LAG3: variants seen among roughly 807,000 people sequenced by gnomAD.
LAG3 encodes the protein lymphocyte activation gene 3 protein.
In LAG3, 29 loss-of-function variants were observed where a neutral mutation model predicts 49.0. That is an observed-to-expected ratio of 0.59 (90% CI 0.44 to 0.81). The LOEUF is 0.81. Among genes scored for constraint, LAG3 ranks in the 30% least tolerant of loss-of-function variants. LAG3 has a pLI of 0.00. For synonymous variants in LAG3, 320 were observed against 297.3 expected, an observed-to-expected ratio of 1.08 and a Z score of -0.79; for missense variants, 693 against 695.2, an observed-to-expected ratio of 1.00 and a Z score of 0.04.
intron 5 of LAG3, 61 bp downstream of exon 5, chr12:6,775,609 G>C: frequency 6.4e-7 from 1 of 1,554,202 alleles, no homozygotes; most frequent in Non-Finnish European, 8.8e-7. Context: ...AGGGAGGAAG[G>C]GCTGGCAGGG....
At chr12:6,774,252 G>C (rs1372870664) in intron 3 of LAG3, among the ~76,000 whole-genome samples, 3 of 152,234 alleles carry the variant, frequency 2.0e-5, no homozygotes, top group African/African-American at 7.2e-5. Context: ...AGTGCCCAGA[G>C]GGAGGGGGAG....
chr12:6,777,648 C>T lies in LAG3; in HGVS notation c.1300+142C>T, dbSNP rs546691902. On this transcript the variant is annotated intron_variant, in intron 6 of 7. Transcript: ENST00000203629. ...CTCTGGCTTTTGCCTAGGGTTGACC[C>T]GTTTCCGCCACTGATCAGCTGAATG... The T allele has an allele frequency of 2.1e-5, 31 of 1,445,586 alleles. No homozygotes were observed. The South Asian group carries it at 3.4e-4, about 16-fold the overall frequency. 89.5% of individuals were successfully genotyped at this position (1,445,586 alleles called of 1,614,324 possible).
At chr12:6,772,995 G>A in intron 1 of LAG3, 85 bp downstream of exon 1, 1 of 1,477,690 alleles carries the variant, frequency 6.8e-7, no homozygotes, top group Non-Finnish European at 9.4e-7. Flanking sequence ...AGGTCCTGAG[G>A]TCCTTAGCTC....
At chr12:6,776,046 A>T (rs1021105653) in intron 5 of LAG3, among the ~76,000 whole-genome samples, 13 of 152,218 alleles carry the variant, frequency 8.5e-5, no homozygotes, top group African/African-American at 2.9e-4. Context: ...GTATGTGTTG[A>T]CTGGTTGATA....
chr12:6,777,779 C>A lies in LAG3; in HGVS notation c.1301-12C>A, dbSNP rs779529189. On this transcript the variant is annotated splice_polypyrimidine_tract_variant and intron_variant, in intron 6 of 7. Transcript: ENST00000203629. ...TCCTGACCCTATGCCTCATCCTGTA[C>A]TTTCTCCATAGGTGCCCAACGCTCT... 3.1e-6 allele frequency: 5 copies of A among 1,613,778 alleles called. No individual in the cohort carries two copies. The highest frequency in any genetic ancestry group is 4.2e-6 in the Non-Finnish European group (5 of 1,179,868).
In LAG3 at chr12:6,774,662, C is replaced by T. The variant is rs145176795; in HGVS notation, c.579C>T (p.Arg193=). ...DWVILNCSFS[R]PDRPASVHWF... ...TCATTTTGAACTGCTCCTTCAGCCG[C>T]CCTGACCGCCCAGCCTCTGTGCATT... Residue 193 remains arginine (R), a synonymous_variant, in exon 4 of 8, where the codon CGC becomes CGT. Coordinates refer to ENST00000203629, the MANE Select transcript of LAG3 (RefSeq NM_002286.6). The T allele has an allele frequency of 6.9e-5, 112 of 1,614,194 alleles. No homozygotes were observed. Among genetic ancestry groups the T allele is most frequent in the Non-Finnish European group, 8.2e-5 (97 of 1,180,024 alleles).
chr12:6,774,321 G>C (rs1592495898), intron 3 of LAG3, among the ~76,000 whole-genome samples: 1 of 152,328 alleles, frequency 6.6e-6, no homozygotes, highest in East Asian at 1.9e-4. Flanking sequence ...CAGGGGGTGG[G>C]CTTCGCGGGG....
At chr12:6,774,980 G>A in intron 4 of LAG3, 116 bp downstream of exon 4, 1 of 1,053,684 alleles carries the variant, frequency 9.5e-7, no homozygotes, top group Non-Finnish European at 1.4e-6. Context: ...CTACGTCATT[G>A]CTGTGGGTCT....
At position 6,778,370 on chromosome 12, in the gene LAG3, C is replaced by G. The variant is rs533855761; in HGVS notation, c.1558C>G (p.Pro520Ala). ...GCCGGAACCGGAGCCCGAGCCCGAG[C>G]CCGAGCCGGAGCAGCTCTGACCTGG... ...PEPEPEPEPE[P>A]EPEQL Residue 520 changes from proline (P) to alanine (A), a missense_variant, in exon 8 of 8, where the codon CCC becomes GCC. Pro to Ala is a conservative substitution (Grantham distance 27). Transcript: ENST00000203629. 5 of 1,611,668 alleles carry G rather than the reference C, an allele frequency of 3.1e-6. No individual in the cohort carries two copies. In the East Asian group the frequency reaches 6.7e-5, roughly 22 times the overall value.
chr12:6,775,407 G>A lies in LAG3; in HGVS notation c.916G>A (p.Asp306Asn). The change falls in exon 5 of 8, where the codon GAC (aspartate) becomes AAC (asparagine). Residue 306 changes from aspartate to asparagine, a missense_variant. Coordinates refer to ENST00000203629, the MANE Select transcript of LAG3 (RefSeq NM_002286.6). ...AKWTPPGGGP[D>N]LLVTGDNGDF... The stretch of plus-strand genomic sequence containing the variant: ...GTGGACTCCTCCTGGGGGAGGCCCT[G>A]ACCTCCTGGTGACTGGAGACAATGG... 3 of 1,614,222 alleles carry A rather than the reference G, an allele frequency of 1.9e-6. No individual in the cohort carries two copies. In the South Asian group the frequency reaches 3.3e-5, roughly 18 times the overall value.
At position 6,772,812 on chromosome 12, in the gene LAG3, C is replaced by T; in HGVS notation, c.-41C>T. On this transcript the variant is annotated 5_prime_UTR_variant, in exon 1 of 8. Coordinates refer to ENST00000203629, the MANE Select transcript of LAG3 (RefSeq NM_002286.6). The stretch of plus-strand genomic sequence containing the variant: ...CCACTGCCCCCTTTCCTTTTCTGAC[C>T]TCCTTTTGGAGGGCTCAGCGCTGCC... 1.3e-6 allele frequency: 2 copies of T among 1,562,962 alleles called. No homozygotes were observed. Among genetic ancestry groups the T allele is most frequent in the South Asian group, 1.1e-5 (1 of 87,234 alleles).
At position 6,773,240 on chromosome 12, in the gene LAG3, A is replaced by G; in HGVS notation, c.107A>G (p.Glu36Gly). Residue 36 changes from glutamate (E) to glycine (G), a missense_variant, in exon 2 of 8, where the codon GAG becomes GGG. Coordinates refer to ENST00000203629, the MANE Select transcript of LAG3 (RefSeq NM_002286.6). This position sits in a 1 kb window ranked among gnomAD's most constrained non-coding sequence, Gnocchi z 5.5. The part of the protein sequence containing the change: ...GAEVPVVWAQ[E>G]GAPAQLPCSP... ...GAGGTCCCGGTGGTGTGGGCCCAGGAGGGGGCTCCTGCCCAGCTCCCCTGC... is the reference window on the plus strand; with the variant it reads ...GAGGTCCCGGTGGTGTGGGCCCAGGGGGGGGCTCCTGCCCAGCTCCCCTGC... 3.7e-6 allele frequency: 6 copies of G among 1,612,712 alleles called. No homozygotes were observed. Among genetic ancestry groups the G allele is most frequent in the Non-Finnish European group, 5.1e-6 (6 of 1,179,450 alleles).
At chr12:6,775,634 AC>A in intron 5 of LAG3, 86 bp downstream of exon 5, 3 of 1,377,950 alleles carry the variant, frequency 2.2e-6, no homozygotes, top group Non-Finnish European at 3.0e-6. Context: ...GACTAGGCAA[AC>A]CCACCCTGTG....
At chr12:6,778,057 A>G in intron 7 of LAG3, 136 bp downstream of exon 7, 1 of 1,390,428 alleles carries the variant, frequency 7.2e-7, no homozygotes, top group Non-Finnish European at 1.0e-6. Context: ...CTTCTTCATA[A>G]GCCTCTCACT....
chr12:6,772,771 T>TG lies in LAG3; in HGVS notation c.-82_-81insG. ...CTCCCTCTCTGCAGAACTTCTCCTT[T>TG]ACCCCCCACCCCCCACCACTGCCCC... On this transcript the variant is annotated 5_prime_UTR_variant, in exon 1 of 8. Coordinates refer to ENST00000203629, the MANE Select transcript of LAG3 (RefSeq NM_002286.6). 1 of 1,145,384 alleles carries TG rather than the reference T, an allele frequency of 8.7e-7. No homozygotes were observed. The highest frequency in any genetic ancestry group is 1.3e-6 in the Non-Finnish European group (1 of 793,872). The allele number at this position is 1,145,384 out of a possible 1,614,324, so 71.0% of individuals were successfully genotyped here.
In LAG3 at chr12:6,773,632, C is replaced by T. The variant is rs1941868090; in HGVS notation, c.207-65C>T. The T allele has an allele frequency of 7.5e-7, 1 of 1,334,068 alleles. No homozygotes were observed. The highest frequency in any genetic ancestry group is 2.8e-4 in the Middle Eastern group (1 of 3,614). The allele number at this position is 1,334,068 out of a possible 1,614,324, so 82.6% of individuals were successfully genotyped here. On this transcript the variant is annotated intron_variant, in intron 2 of 7. Coordinates refer to ENST00000203629, the MANE Select transcript of LAG3 (RefSeq NM_002286.6). This position sits in a 1 kb window ranked among gnomAD's most constrained non-coding sequence, Gnocchi z 5.5. ...GGGCTTTCTCATCCTCAACGGGTGG[C>T]TGCCTGCATCCTCCCGGGCTTCCTA... is the stretch of plus-strand genomic sequence containing the variant.
rs1491089757 is a variant in LAG3, at chr12:6,778,218, G to GTCTCTCTCTCCA, written c.1432-20_1432-9dup. Reference sequence around the variant, plus strand: ...CATCCTTCTCCTCCTTCCGCCCTCCGTCTCTCTCTCCATCTCTTCTCACAG... The same window carrying GTCTCTCTCTCCA: ...CATCCTTCTCCTCCTTCCGCCCTCCGTCTCTCTCTCCATCTCTCTCTCCATCTCTTCTCACAG... On this transcript the variant is annotated intron_variant, in intron 7 of 7. Transcript: ENST00000203629. The GTCTCTCTCTCCA allele has an allele frequency of 5.1e-6, 8 of 1,556,482 alleles. No homozygotes were observed. In the African/African-American group the frequency reaches 8.2e-5, roughly 16 times the overall value.
intron 3 of LAG3, 118 bp downstream of exon 3, chr12:6,774,119 A>G: frequency 1.5e-6 from 2 of 1,320,012 alleles, no homozygotes; most frequent in East Asian, 3.1e-5. Flanking sequence ...GAGAGCTCCC[A>G]GAAGAGTAGA....
At chr12:6,775,059 G>A (rs1163095356) in intron 4 of LAG3, among the ~76,000 whole-genome samples, 195 bp downstream of exon 4, 2 of 152,082 alleles carry the variant, frequency 1.3e-5, no homozygotes, top group Non-Finnish European at 2.9e-5. Flanking sequence ...TTCTCCCGTG[G>A]CCTTCCAGCG....
Sources: allele counts gnomAD v4.1 joint callset (sites outside exome capture counted in the v4.1 genomes callset), GRCh38; gene constraint gnomAD v4.1.1; non-coding constraint Gnocchi (gnomAD v3.1); transcripts MANE v1.5; gene names NCBI Gene and HGNC (gene_info 2026-07-23, HGNC 2026-07-21).